Variants in TASP1 observed in about 807,000 individuals in gnomAD.
TASP1 encodes the protein threonine aspartase 1.
TASP1 carries 16 observed loss-of-function variants against 56.6 expected under a neutral mutation model. The ratio of observed to expected loss-of-function variants is 0.28; its 90% CI spans 0.19 to 0.43. TASP1 has a LOEUF of 0.43. Among genes scored for constraint, TASP1 ranks in the 20% least tolerant of loss-of-function variants. TASP1 has a pLI of 1.00. For synonymous variants in TASP1, 179 were observed against 184.2 expected, an observed-to-expected ratio of 0.97 and a Z score of 0.23; for missense variants, 393 against 511.6, an observed-to-expected ratio of 0.77 and a Z score of 2.24.
the TASP1 span, chr20:13,221,904 C>A: frequency 7.3e-7 from 1 of 1,371,324 alleles, no homozygotes; most frequent in Admixed American, 3.6e-5. Context: ...GCCAGCCAAG[C>A]CCAGCTGCAG....
the TASP1 span, among the ~76,000 whole-genome samples, chr20:13,193,385 T>G: frequency 6.6e-6 from 1 of 151,998 alleles, no homozygotes; most frequent in Non-Finnish European, 1.5e-5. Context: ...ATGGTCTCAA[T>G]ATACAATAAA....
chr20:13,585,058 G>A (rs1386839449), intron 5 of TASP1, among the ~76,000 whole-genome samples: 1 of 152,130 alleles, frequency 6.6e-6, no homozygotes, highest in Non-Finnish European at 1.5e-5. Context: ...ACAGGGTACA[G>A]AAACAAATTA....
At chr20:13,210,006 A>T in the TASP1 span, among the ~76,000 whole-genome samples, 1 of 152,186 alleles carries the variant, frequency 6.6e-6, no homozygotes, top group African/African-American at 2.4e-5. Context: ...ATCCCTGTCT[A>T]TACCCTTCCC....
chr20:13,264,672 G>A, the TASP1 span, among the ~76,000 whole-genome samples: 4 of 152,162 alleles, frequency 2.6e-5, no homozygotes, highest in African/African-American at 9.7e-5. Context: ...ACACAGCCAC[G>A]ATGAGCAACG....
intron 5 of TASP1, among the ~76,000 whole-genome samples, chr20:13,582,906 A>C (rs1361056032): frequency 6.6e-6 from 1 of 152,222 alleles, no homozygotes; most frequent in Non-Finnish European, 1.5e-5. Context: ...AGTAGAGGAC[A>C]CTAAAGAAAC....
At chr20:13,157,600 C>T in the TASP1 span, among the ~76,000 whole-genome samples, 3 of 151,798 alleles carry the variant, frequency 2.0e-5, no homozygotes, top group Non-Finnish European at 4.4e-5. Flanking sequence ...ATTAAAGCAA[C>T]ACAGAGTCTA....
chr20:13,503,208 T>C (rs1568518673), intron 10 of TASP1, among the ~76,000 whole-genome samples: 1 of 152,074 alleles, frequency 6.6e-6, no homozygotes, highest in Non-Finnish European at 1.5e-5. Context: ...ATGCCTTGCC[T>C]GTGTAACACC....
At chr20:13,336,715 C>A in the TASP1 span, among the ~76,000 whole-genome samples, 3 of 152,066 alleles carry the variant, frequency 2.0e-5, no homozygotes, top group Non-Finnish European at 2.9e-5. Context: ...TGTACCCAGC[C>A]CTGATGTCAA....
chr20:13,551,777 T>C (rs2045989399), intron 8 of TASP1, among the ~76,000 whole-genome samples: 1 of 152,146 alleles, frequency 6.6e-6, no homozygotes, highest in Admixed American at 6.5e-5. Flanking sequence ...CTCTTCCAAA[T>C]AGGATAAAGA....
At chr20:13,136,313 T>G in the TASP1 span, among the ~76,000 whole-genome samples, 14 of 152,074 alleles carry the variant, frequency 9.2e-5, no homozygotes, top group Admixed American at 6.6e-4. Flanking sequence ...ATAGAGGAAT[T>G]TGGCCAGGTG....
chr20:13,378,228 T>TTTTAA, the TASP1 span, among the ~76,000 whole-genome samples: 2 of 152,228 alleles, frequency 1.3e-5, no homozygotes, highest in Admixed American at 6.5e-5. Context: ...TAAATTTCCC[T>TTTTAA]CTTAACACTG....
chr20:13,322,412 T>G, the TASP1 span, among the ~76,000 whole-genome samples: 1 of 152,196 alleles, frequency 6.6e-6, no homozygotes, highest in Non-Finnish European at 1.5e-5. Context: ...TCTCCAACTC[T>G]TCCACCTGCC....
the TASP1 span, among the ~76,000 whole-genome samples, chr20:13,363,557 A>G: frequency 5.3e-5 from 8 of 152,250 alleles, no homozygotes; most frequent in South Asian, 1.7e-3. Context: ...AGAAGGAGTC[A>G]TGAAAACCCC....
chr20:13,115,518 C>T, the TASP1 span, among the ~76,000 whole-genome samples: 7 of 152,060 alleles, frequency 4.6e-5, no homozygotes, highest in Non-Finnish European at 7.3e-5. Context: ...AAAAAAATGG[C>T]TATTTGTGGC....
At chr20:13,233,030 A>T in the TASP1 span, among the ~76,000 whole-genome samples, 2 of 152,058 alleles carry the variant, frequency 1.3e-5, 1 homozygote, top group African/African-American at 4.8e-5. Context: ...GGACCAAAAA[A>T]AAAAAAGAAA....
intron 12 of TASP1, among the ~76,000 whole-genome samples, chr20:13,418,969 A>G (rs2042350161): frequency 6.6e-6 from 1 of 152,246 alleles, no homozygotes; most frequent in Non-Finnish European, 1.5e-5. Context: ...TAAAGAATAC[A>G]TGACAACTGA....
the TASP1 span, among the ~76,000 whole-genome samples, chr20:13,247,984 C>T: frequency 7.9e-5 from 12 of 152,278 alleles, no homozygotes; most frequent in South Asian, 2.5e-3. Flanking sequence ...AGAATTTCCT[C>T]TATGACTTGT....
chr20:13,134,027 T>A, the TASP1 span, among the ~76,000 whole-genome samples: 1 of 152,186 alleles, frequency 6.6e-6, no homozygotes, highest in Non-Finnish European at 1.5e-5. Context: ...ACGCTCAAAC[T>A]GTGAACACAC....
chr20:13,183,564 T>C, the TASP1 span, among the ~76,000 whole-genome samples: 1 of 152,314 alleles, frequency 6.6e-6, no homozygotes, highest in Non-Finnish European at 1.5e-5. Context: ...TAAGAATTTT[T>C]ACCAAAAAAT....
Sources: gnomAD v4.1 joint callset for allele counts (sites outside exome capture counted in the v4.1 genomes callset) on GRCh38, gnomAD v4.1.1 for gene constraint, MANE v1.5 for transcripts, NCBI Gene and HGNC (gene_info 2026-07-23, HGNC 2026-07-21) for gene names.